The following COL28A1 variants were observed in gnomAD, a reference collection of about 807,000 sequenced individuals.
COL28A1 encodes the protein collagen type XXVIII alpha 1 chain, also known as collagen alpha-1(XXVIII) chain.
A neutral mutation model predicts 150.2 loss-of-function variants in COL28A1; 161 were observed. That is an observed-to-expected ratio of 1.07 (90% confidence interval 0.94 to 1.22). The LOEUF is 1.22. Among genes scored for constraint, COL28A1 ranks in the 50% most tolerant of loss-of-function variants. The pLI, the probability that COL28A1 is intolerant of heterozygous loss-of-function variation, is 0.00. For missense variants in COL28A1, 1,617 were observed against 1,388.3 expected, an observed-to-expected ratio of 1.16 and a Z score of -2.62; for synonymous variants, 552 against 469.7, an observed-to-expected ratio of 1.18 and a Z score of -2.26.
chr7:7,510,843 G>A (rs1037799889), intron 9 of COL28A1, among the ~76,000 whole-genome samples: 3 of 152,174 alleles, frequency 2.0e-5, no homozygotes, highest in Non-Finnish European at 2.9e-5. Context: ...TTCAGTGGGC[G>A]TGGCCTCCAA....
At chr7:7,440,665 G>A (rs894273719) in intron 21 of COL28A1, 125 bp downstream of exon 21, 1 of 529,192 alleles carries the variant, frequency 1.9e-6, no homozygotes, top group Non-Finnish European at 3.5e-6. Flanking sequence ...TTATTTTGGG[G>A]TATTTGTTTT....
At chr7:7,512,837 A>G (rs1369257647) in intron 8 of COL28A1, among the ~76,000 whole-genome samples, 1 of 152,210 alleles carries the variant, frequency 6.6e-6, no homozygotes, top group East Asian at 1.9e-4. Flanking sequence ...TGCTCTCAAC[A>G]CTAGCTTCTG....
chr7:7,388,292 T>A (rs531217114), intron 27 of COL28A1, among the ~76,000 whole-genome samples: 1 of 152,294 alleles, frequency 6.6e-6, no homozygotes, highest in South Asian at 2.1e-4. Context: ...GTTAGTTTGC[T>A]AAGAATGATG....
At chr7:7,473,791 G>A (rs1788632030) in intron 15 of COL28A1, among the ~76,000 whole-genome samples, 1 of 151,848 alleles carries the variant, frequency 6.6e-6, no homozygotes, top group Non-Finnish European at 1.5e-5. Context: ...CAACCCAAAT[G>A]CCCATCAATC....
intron 16 of COL28A1, among the ~76,000 whole-genome samples, chr7:7,455,524 G>A (rs924951711): frequency 2.6e-5 from 4 of 152,110 alleles, no homozygotes; most frequent in African/African-American, 9.7e-5. Context: ...TTATATCTGT[G>A]TTTTGCTTCT....
the COL28A1 span, among the ~76,000 whole-genome samples, chr7:7,342,101 T>A: frequency 6.6e-6 from 1 of 152,102 alleles, no homozygotes; most frequent in African/African-American, 2.4e-5. Flanking sequence ...TTTCACTTTA[T>A]ATCTTTTGAG....
At chr7:7,522,893 G>T (rs1054660874) in intron 4 of COL28A1, among the ~76,000 whole-genome samples, 1 of 148,644 alleles carries the variant, frequency 6.7e-6, no homozygotes, top group African/African-American at 2.5e-5. Flanking sequence ...GTGTTGGTCC[G>T]CATTCAAAGT....
chr7:7,430,913 G>C (rs1784926075), intron 25 of COL28A1, among the ~76,000 whole-genome samples: 1 of 152,120 alleles, frequency 6.6e-6, no homozygotes. Flanking sequence ...AAGCACCTCG[G>C]GTTTGTCCTG....
intron 30 of COL28A1, 104 bp downstream of exon 30, chr7:7,380,556 C>A: frequency 1.0e-6 from 1 of 957,582 alleles, no homozygotes; most frequent in South Asian, 1.4e-5. Flanking sequence ...TAAATAGAAA[C>A]TGGGATTCTG....
At chr7:7,399,724 G>C (rs1244559250) in intron 27 of COL28A1, among the ~76,000 whole-genome samples, 4 of 152,234 alleles carry the variant, frequency 2.6e-5, no homozygotes, top group African/African-American at 9.6e-5. Context: ...TTTACAACCA[G>C]ATTCTCTGGG....
chr7:7,360,617 C>T (rs1780603789), intron 33 of COL28A1, 89 bp from the exon 34 acceptor site: 2 of 1,141,852 alleles, frequency 1.8e-6, no homozygotes, highest in African/African-American at 1.6e-5. Flanking sequence ...AAGACTAGTT[C>T]AGCCATGCTG....
intron 30 of COL28A1, among the ~76,000 whole-genome samples, chr7:7,376,542 C>G: frequency 6.6e-6 from 1 of 152,164 alleles, no homozygotes; most frequent in Admixed American, 6.5e-5. Flanking sequence ...TGAGAGTCAA[C>G]AGTCTTCTTT....
At chr7:7,444,612 C>T in intron 18 of COL28A1, 123 bp from the exon 19 acceptor site, 1 of 890,092 alleles carries the variant, frequency 1.1e-6, no homozygotes, top group Non-Finnish European at 1.7e-6. Flanking sequence ...GCAATTAATA[C>T]TAAACTATTT....
At position 7,373,417 on chromosome 7, in the gene COL28A1, A is replaced by G; in HGVS notation, c.2489T>C (p.Leu830Pro). Residue 830 changes from leucine to proline, a missense_variant, in exon 32 of 35, where the codon CTG (leucine) becomes CCG (proline). By Grantham distance (98) the Leu-to-Pro change is moderately conservative. Transcript: ENST00000399429. The surrounding 1 kb of genome is among the most constrained non-coding windows in gnomAD (Gnocchi z 4.1). ...FVKTMADRVALDLATARIGII... is the reference protein window; with the variant it reads ...FVKTMADRVAPDLATARIGII... ...GCCTATGCGGGCCGTGGCAAGGTCC[A>G]GAGCAACCCGGTCAGCCATAGTCTT... The G allele has an allele frequency of 1.9e-6, 3 of 1,614,206 alleles. No individual in the cohort carries two copies. The highest frequency in any genetic ancestry group is 2.5e-6 in the Non-Finnish European group (3 of 1,180,048).
chr7:7,405,866 T>C (rs1277656415), intron 27 of COL28A1, among the ~76,000 whole-genome samples: 2 of 152,200 alleles, frequency 1.3e-5, no homozygotes, highest in Non-Finnish European at 2.9e-5. Context: ...TTTAATATAT[T>C]AATATGAGTC....
intron 11 of COL28A1, among the ~76,000 whole-genome samples, chr7:7,495,961 T>G (rs1319805135): frequency 6.6e-6 from 1 of 152,144 alleles, no homozygotes; most frequent in African/African-American, 2.4e-5. Context: ...CCAGCAACAT[T>G]GGCTTTTGTT....
chr7:7,473,644 T>G (rs1788618690), intron 15 of COL28A1, among the ~76,000 whole-genome samples: 1 of 152,168 alleles, frequency 6.6e-6, no homozygotes, highest in African/African-American at 2.4e-5. Flanking sequence ...CTTACAGAAT[T>G]AAAAGTATAA....
intron 27 of COL28A1, among the ~76,000 whole-genome samples, chr7:7,411,339 A>G (rs1783780822): frequency 6.6e-6 from 1 of 152,166 alleles, no homozygotes; most frequent in Non-Finnish European, 1.5e-5. Context: ...CTTTGGAGGA[A>G]GAAGCAATTT....
intron 6 of COL28A1, 103 bp downstream of exon 6, chr7:7,519,959 T>G: frequency 1.6e-6 from 1 of 626,116 alleles, no homozygotes; most frequent in Non-Finnish European, 2.8e-6. Flanking sequence ...TTGTCACATT[T>G]TTGCCATATA....
Sources: gnomAD v4.1 joint callset for allele counts (sites outside exome capture counted in the v4.1 genomes callset) on GRCh38, gnomAD v4.1.1 for gene constraint, Gnocchi (gnomAD v3.1) non-coding constraint, MANE v1.5 for transcripts, NCBI Gene and HGNC (gene_info 2026-07-23, HGNC 2026-07-21) for gene names.